KDM4B: variants seen among roughly 807,000 people sequenced by gnomAD.
KDM4B encodes lysine-specific demethylase 4B.
In KDM4B, 32 loss-of-function variants were observed where a neutral mutation model predicts 125.2. The observed-to-expected ratio is 0.26, with a 90% confidence interval of 0.19 to 0.34. The LOEUF (loss-of-function observed/expected upper bound fraction) is 0.34, where lower values mean the gene tolerates loss of function less well. Among genes scored for constraint, KDM4B ranks in the 10% least tolerant of loss-of-function variants. KDM4B has a pLI of 1.00. For synonymous variants in KDM4B, 721 were observed against 677.9 expected (o/e 1.06, Z -0.99); for missense variants, 1,190 against 1,577.7 (o/e 0.75, Z 4.16).
At chr19:5,123,753 G>C (rs141493093) in intron 11 of KDM4B, among the ~76,000 whole-genome samples, 1 of 152,240 alleles carries the variant, frequency 6.6e-6, no homozygotes, top group Non-Finnish European at 1.5e-5. Context: ...AGCATGGGTC[G>C]TGCTGGTAGA....
At chr19:5,034,902 C>T (rs186488025) in intron 3 of KDM4B, among the ~76,000 whole-genome samples, 3 of 152,330 alleles carry the variant, frequency 2.0e-5, no homozygotes, top group Non-Finnish European at 4.4e-5. Flanking sequence ...TCACGGCTCA[C>T]TGCAGCCTTG....
intron 1 of KDM4B, among the ~76,000 whole-genome samples, chr19:4,970,474 A>T (rs530964348): frequency 3.9e-5 from 6 of 151,924 alleles, no homozygotes; most frequent in Admixed American, 6.6e-5. Context: ...CTGTCTTGGG[A>T]TCTCTGGATA....
intron 1 of KDM4B, among the ~76,000 whole-genome samples, chr19:4,980,245 C>G (rs1344477403): frequency 6.6e-6 from 1 of 152,174 alleles, no homozygotes; most frequent in African/African-American, 2.4e-5. Context: ...ATCCCCTCCC[C>G]CATCTGCTGG....
At position 5,039,904 on chromosome 19, in the gene KDM4B, G is replaced by A. The variant is rs538559552; in HGVS notation, c.210G>A (p.Ala70=). ...YDDIDDVVIP[A]PIQQVVTGQS... is the part of the protein sequence containing the mutation. ...ACATCGACGACGTGGTGATCCCGGC[G>A]CCCATCCAGCAGGTGGTGACGGGCC... The change falls in exon 4 of 23, where the codon GCG becomes GCA. Residue 70 remains alanine, a synonymous_variant. Coordinates refer to ENST00000159111, the MANE Select transcript of KDM4B (RefSeq NM_015015.3). 2.1e-5 allele frequency: 34 copies of A among 1,612,990 alleles called. No homozygotes were observed. The Admixed American group carries it at 2.3e-4, about 11-fold the overall frequency.
chr19:4,972,914 T>A (rs745873274), intron 1 of KDM4B, among the ~76,000 whole-genome samples: 15 of 152,142 alleles, frequency 9.9e-5, no homozygotes, highest in Non-Finnish European at 1.6e-4. Flanking sequence ...CCGGCATCTG[T>A]GGGGTCTTCT....
chr19:4,972,141 C>T (rs1488206270), intron 1 of KDM4B, among the ~76,000 whole-genome samples: 3 of 152,170 alleles, frequency 2.0e-5, no homozygotes, highest in African/African-American at 7.2e-5. Context: ...GGATGCCGGA[C>T]AGAAGAGCAG....
intron 21 of KDM4B, among the ~76,000 whole-genome samples, 185 bp from the exon 22 acceptor site, chr19:5,150,173 G>T (rs2039921066): frequency 6.6e-6 from 1 of 152,254 alleles, no homozygotes; most frequent in Non-Finnish European, 1.5e-5. Flanking sequence ...GGGACCCTCA[G>T]CCTGATCCTT....
At chr19:5,024,896 T>G (rs185453304) in intron 2 of KDM4B, among the ~76,000 whole-genome samples, 1 of 152,318 alleles carries the variant, frequency 6.6e-6, no homozygotes, top group East Asian at 1.9e-4. Context: ...TTCAGTGAGC[T>G]GAGATCGCGC....
At chr19:5,040,060 CCTG>C in intron 4 of KDM4B, 49 bp downstream of exon 4, 1 of 1,549,874 alleles carries the variant, frequency 6.5e-7, no homozygotes, top group Non-Finnish European at 8.8e-7. Context: ...CGGGGGCACA[CCTG>C]CTCATGGGGG....
intron 8 of KDM4B, among the ~76,000 whole-genome samples, chr19:5,079,702 G>T (rs2038228094): frequency 6.6e-6 from 1 of 152,184 alleles, no homozygotes; most frequent in African/African-American, 2.4e-5. Context: ...TAGGATAAAG[G>T]AATCAGTAAT....
At chr19:4,982,398 G>A (rs1334381268) in intron 1 of KDM4B, among the ~76,000 whole-genome samples, 1 of 136,090 alleles carries the variant, frequency 7.3e-6, no homozygotes, top group Non-Finnish European at 1.5e-5. Context: ...GTTGCAGTGA[G>A]CCAAGATCGC....
intron 1 of KDM4B, among the ~76,000 whole-genome samples, chr19:4,993,220 G>A (rs2035083662): frequency 1.3e-5 from 2 of 152,098 alleles, no homozygotes; most frequent in Admixed American, 6.5e-5. Flanking sequence ...GACCAGCCTG[G>A]CCAACAAGGC....
At chr19:5,024,396 G>A (rs1232441943) in intron 2 of KDM4B, among the ~76,000 whole-genome samples, 4 of 152,184 alleles carry the variant, frequency 2.6e-5, no homozygotes, top group African/African-American at 9.7e-5. Flanking sequence ...GGCAGCCCGG[G>A]AGGGTATCCT....
rs915465753 is a variant in KDM4B at position 4,971,361 on chromosome 19, CTG to C, written c.-109+2135_-109+2136del. 6.6e-6 allele frequency among the ~76,000 whole-genome samples: 1 copy of C among 152,160 alleles called. No individual in the cohort carries two copies. The highest frequency in any genetic ancestry group is 1.5e-5 in the Non-Finnish European group (1 of 68,018). ...CTCTGGGGTGGCCAGGGGCCGTCCT[CTG>C]TGTCCTTCTCTCCCACCTGACCACT... On this transcript the variant is annotated intron_variant, in intron 1 of 22. Coordinates refer to ENST00000159111, the MANE Select transcript of KDM4B (RefSeq NM_015015.3). This position sits in a 1 kb window ranked among gnomAD's most constrained non-coding sequence, Gnocchi z 4.1.
At chr19:5,125,809 G>C (rs896843996) in intron 11 of KDM4B, among the ~76,000 whole-genome samples, 4 of 108,094 alleles carry the variant, frequency 3.7e-5, no homozygotes, top group African/African-American at 1.5e-4. Context: ...CCTTATCTCT[G>C]TTCCACGACA....
rs1261304549 is a variant in KDM4B at position 5,135,344 on chromosome 19, A to G, written c.2091A>G (p.Leu697=). The G allele has an allele frequency of 3.1e-6, 5 of 1,609,956 alleles. No homozygotes were observed. ...CTLFYPYCQA[L]QTEKEAPIAS... The stretch of plus-strand genomic sequence containing the variant: ...AGGTCGCCTCTCCCCTACAGGCCCT[A>G]CAGACTGAGAAGGAGGCACCCATAG... Residue 697 remains leucine (L), a synonymous_variant, in exon 15 of 23, where the codon CTA becomes CTG. Coordinates refer to ENST00000159111, the MANE Select transcript of KDM4B (RefSeq NM_015015.3).
chr19:4,971,934 C>T lies in KDM4B; in HGVS notation c.-109+2704C>T, dbSNP rs62112545. 0.3 allele frequency among the ~76,000 whole-genome samples: 42,868 copies of T among 143,394 alleles called. 7,245 individuals carry two copies. Among genetic ancestry groups the T allele is most frequent in the East Asian group, 0.69 (3,436 of 4,954 alleles). 94.1% of individuals were successfully genotyped at this position (143,394 alleles called of 152,430 possible). ...CAGGAGGGGACGGAGAGCAGATGAACAGGGTGGGGGCTCGGGGCGGGGGGA... is the reference window on the plus strand; with the variant it reads ...CAGGAGGGGACGGAGAGCAGATGAATAGGGTGGGGGCTCGGGGCGGGGGGA... On this transcript the variant is annotated intron_variant, in intron 1 of 22. Transcript: ENST00000159111. The surrounding 1 kb of genome is among the most constrained non-coding windows in gnomAD (Gnocchi z 4.1).
rs528596506 is a variant in KDM4B at position 4,971,242 on chromosome 19, C to G, written c.-109+2012C>G. Among the ~76,000 whole-genome samples, 7 of 152,134 alleles carry G rather than the reference C, an allele frequency of 4.6e-5. No homozygotes were observed. The highest frequency in any genetic ancestry group is 1.7e-4 in the African/African-American group (7 of 41,440). On this transcript the variant is annotated intron_variant, in intron 1 of 22. Coordinates refer to ENST00000159111, the MANE Select transcript of KDM4B (RefSeq NM_015015.3). The surrounding 1 kb of genome is among the most constrained non-coding windows in gnomAD (Gnocchi z 4.1). Reference sequence around the variant, plus strand: ...GCTGATCAGCCACCGCACAGCACCCCGCCTGGCCTTTGTTGTACTTTTCTG... The same window carrying G: ...GCTGATCAGCCACCGCACAGCACCCGGCCTGGCCTTTGTTGTACTTTTCTG...
chr19:4,998,624 C>G (rs1390852537), intron 1 of KDM4B, among the ~76,000 whole-genome samples: 1 of 152,150 alleles, frequency 6.6e-6, no homozygotes, highest in African/African-American at 2.4e-5. Context: ...CTGATAAAAT[C>G]AAATCTACAG....
Sources: allele counts gnomAD v4.1 joint callset (sites outside exome capture counted in the v4.1 genomes callset), GRCh38; gene constraint gnomAD v4.1.1; non-coding constraint Gnocchi (gnomAD v3.1); transcripts MANE v1.5; gene names NCBI Gene and HGNC (gene_info 2026-07-23, HGNC 2026-07-21).